Variants in SUGCT observed in about 807,000 individuals in gnomAD.
The protein encoded by SUGCT is succinyl-CoA:glutarate CoA-transferase.
A neutral mutation model predicts 55.0 loss-of-function variants in SUGCT; 41 were observed. The ratio of observed to expected loss-of-function variants is 0.74; its 90% CI spans 0.58 to 0.97. The LOEUF (loss-of-function observed/expected upper bound fraction) is 0.97, where lower values mean the gene tolerates loss of function less well. Among genes scored for constraint, SUGCT ranks in the 50% least tolerant of loss-of-function variants. The pLI is 0.00. For missense variants in SUGCT, 568 were observed against 547.8 expected (o/e 1.04, Z -0.37); for synonymous variants, 187 against 200.4 (o/e 0.93, Z 0.56).
chr7:40,527,267 G>A (rs1372653831), intron 12 of SUGCT, among the ~76,000 whole-genome samples: 1 of 152,232 alleles, frequency 6.6e-6, no homozygotes, highest in African/African-American at 2.4e-5. Context: ...AAGAAAATGT[G>A]TGGAAACACC....
At chr7:40,235,311 G>A (rs1788950080) in intron 6 of SUGCT, among the ~76,000 whole-genome samples, 1 of 152,070 alleles carries the variant, frequency 6.6e-6, no homozygotes, top group East Asian at 1.9e-4. Flanking sequence ...TTTATAGATT[G>A]TTTTTGAAAA....
chr7:40,500,663 CATT>C (rs1178686451), intron 12 of SUGCT, among the ~76,000 whole-genome samples: 1 of 152,092 alleles, frequency 6.6e-6, no homozygotes, highest in Admixed American at 6.5e-5. Flanking sequence ...GTTTTCATCT[CATT>C]ATTTGTATAA....
At chr7:40,573,115 A>G (rs1292245695) in intron 12 of SUGCT, among the ~76,000 whole-genome samples, 4 of 152,204 alleles carry the variant, frequency 2.6e-5, no homozygotes, top group Non-Finnish European at 5.9e-5. Context: ...TACCAGAGCA[A>G]CTTAAAAACG....
At chr7:40,498,343 T>C (rs1792099374) in intron 12 of SUGCT, among the ~76,000 whole-genome samples, 2 of 152,192 alleles carry the variant, frequency 1.3e-5, no homozygotes, top group South Asian at 2.1e-4. Flanking sequence ...CAGTACACAA[T>C]GTGTACCTGC....
At chr7:40,181,151 C>G (rs1168934628) in intron 2 of SUGCT, among the ~76,000 whole-genome samples, 153 bp downstream of exon 2, 1 of 151,944 alleles carries the variant, frequency 6.6e-6, no homozygotes, top group African/African-American at 2.4e-5. Flanking sequence ...TATCATCATT[C>G]TATGAGACAA....
chr7:40,327,407 T>C (rs573431452), intron 9 of SUGCT, among the ~76,000 whole-genome samples: 1 of 152,336 alleles, frequency 6.6e-6, no homozygotes, highest in Non-Finnish European at 1.5e-5. Context: ...CTGGGCTACT[T>C]CTTAGGAAAG....
chr7:40,251,556 A>G (rs996870647), intron 7 of SUGCT, among the ~76,000 whole-genome samples: 3 of 152,172 alleles, frequency 2.0e-5, no homozygotes, highest in Non-Finnish European at 2.9e-5. Context: ...CCAATTCCCT[A>G]TGCTAGGCAT....
chr7:40,766,987 T>C (rs946653524), intron 13 of SUGCT, among the ~76,000 whole-genome samples: 3 of 152,174 alleles, frequency 2.0e-5, no homozygotes, highest in Admixed American at 6.5e-5. Context: ...AGGCCTTATA[T>C]TGATGATGAT....
At chr7:40,511,240 C>T (rs931822642) in intron 12 of SUGCT, among the ~76,000 whole-genome samples, 1 of 152,104 alleles carries the variant, frequency 6.6e-6, no homozygotes, top group African/African-American at 2.4e-5. Context: ...ATCTCAATTT[C>T]CTGCCCGAAA....
intron 12 of SUGCT, among the ~76,000 whole-genome samples, chr7:40,658,757 C>G (rs558180432): frequency 1.3e-5 from 2 of 152,326 alleles, no homozygotes; most frequent in East Asian, 3.9e-4. Context: ...TTTCCTTTGG[C>G]ATTTCCAGCC....
At chr7:40,999,208 T>G in the SUGCT span, among the ~76,000 whole-genome samples, 1 of 152,034 alleles carries the variant, frequency 6.6e-6, no homozygotes. Flanking sequence ...GGCTCTTCCA[T>G]TATGCACAGC....
At chr7:40,812,019 G>T (rs1791444449) in intron 13 of SUGCT, among the ~76,000 whole-genome samples, 1 of 152,054 alleles carries the variant, frequency 6.6e-6, no homozygotes, top group Admixed American at 6.6e-5. Flanking sequence ...GAGATCATAT[G>T]GTTTTTGGTT....
chr7:40,963,669 C>T, the SUGCT span, among the ~76,000 whole-genome samples: 1 of 152,090 alleles, frequency 6.6e-6, no homozygotes, highest in African/African-American at 2.4e-5. Context: ...GGGAATATTG[C>T]TTACATATAT....
the SUGCT span, among the ~76,000 whole-genome samples, chr7:40,981,193 C>A: frequency 2.4e-3 from 358 of 152,232 alleles, no homozygotes; most frequent in Non-Finnish European, 3.9e-3. Context: ...CACTCTGGAC[C>A]AGTGATAGGA....
Position 40,178,385 on chromosome 7 carries a change from A to G in SUGCT, c.101-2562A>G, listed in dbSNP as rs142365994. Among the ~76,000 whole-genome samples the G allele has an allele frequency of 1.3e-4, 20 of 152,292 alleles. No homozygotes were observed. The East Asian group carries it at 3.7e-3, about 28-fold the overall frequency. ...TTATAAAGTAATTTTCTAAATTTCT[A>G]GATTACCTTTGAAAGTAATTTTTCC... On this transcript the variant is annotated intron_variant, in intron 1 of 13. Transcript: ENST00000335693.
At chr7:40,270,154 A>AAT in intron 7 of SUGCT, among the ~76,000 whole-genome samples, 1 of 151,684 alleles carries the variant, frequency 6.6e-6, no homozygotes, top group Non-Finnish European at 1.5e-5. Context: ...AAAAAAAAAA[A>AAT]AGAAATTCTG....
intron 12 of SUGCT, among the ~76,000 whole-genome samples, chr7:40,632,214 T>C (rs1047676291): frequency 6.6e-6 from 1 of 152,212 alleles, no homozygotes; most frequent in African/African-American, 2.4e-5. Flanking sequence ...GTCCTGATTC[T>C]TTCCTGCCCT....
chr7:40,586,044 C>T (rs1412127753), intron 12 of SUGCT, among the ~76,000 whole-genome samples: 4 of 151,892 alleles, frequency 2.6e-5, no homozygotes, highest in African/African-American at 9.7e-5. Flanking sequence ...GTAATCATTT[C>T]TTCTTTTAAA....
chr7:40,543,190 A>G (rs1794798901), intron 12 of SUGCT, among the ~76,000 whole-genome samples: 1 of 152,194 alleles, frequency 6.6e-6, no homozygotes, highest in Non-Finnish European at 1.5e-5. Flanking sequence ...ACTTCAAAAC[A>G]TCTGGGATTG....
Sources: allele counts gnomAD v4.1 joint callset (sites outside exome capture counted in the v4.1 genomes callset), GRCh38; gene constraint gnomAD v4.1.1; transcripts MANE v1.5; gene names NCBI Gene and HGNC (gene_info 2026-07-23, HGNC 2026-07-21).